The following ZNF678 variants were observed in gnomAD, a reference collection of about 807,000 sequenced individuals.
ZNF678 encodes zinc finger protein 678, also known as hypothetical protein MGC42493.
In ZNF678, 5 loss-of-function variants were observed where a neutral mutation model predicts 3.0. That is an observed-to-expected ratio of 1.69 (90% CI 0.88 to 3.56). The LOEUF is 3.56. Ranked by LOEUF, ZNF678 falls within the 30% of genes most tolerant of loss-of-function variation. The pLI, the probability that ZNF678 is intolerant of heterozygous loss-of-function variation, is 0.00. For missense variants in ZNF678, 593 were observed against 605.0 expected (o/e 0.98, Z 0.21); for synonymous variants, 218 against 199.6 (o/e 1.09, Z -0.78).
chr1:227,589,717 A>G (rs763330623), intron 1 of ZNF678, among the ~76,000 whole-genome samples: 5 of 151,752 alleles, frequency 3.3e-5, no homozygotes, highest in Admixed American at 6.6e-5. Context: ...GATTTTTACA[A>G]TGCTCTTCCA....
At chr1:227,581,601 A>G (rs1657130699) in intron 1 of ZNF678, among the ~76,000 whole-genome samples, 1 of 152,206 alleles carries the variant, frequency 6.6e-6, no homozygotes, top group African/African-American at 2.4e-5. Context: ...TTTCATCCAT[A>G]ATCTAATCTA....
At chr1:227,588,316 A>T (rs1170574026) in intron 1 of ZNF678, among the ~76,000 whole-genome samples, 3 of 152,218 alleles carry the variant, frequency 2.0e-5, no homozygotes, top group Non-Finnish European at 4.4e-5. Context: ...TCTTTATAAA[A>T]GAATGATTTA....
At chr1:227,621,720 GC>G (rs1160413466) in intron 1 of ZNF678, among the ~76,000 whole-genome samples, 4 of 152,276 alleles carry the variant, frequency 2.6e-5, no homozygotes, top group African/African-American at 9.6e-5. Context: ...GCAATTCTAA[GC>G]CCCCCAACTG....
intron 1 of ZNF678, among the ~76,000 whole-genome samples, chr1:227,622,009 T>C (rs898470372): frequency 1.3e-5 from 2 of 152,212 alleles, no homozygotes; most frequent in Non-Finnish European, 2.9e-5. Flanking sequence ...CCCCAAACTA[T>C]ATTTTGTTGT....
chr1:227,588,059 A>G (rs1045859038), intron 1 of ZNF678, among the ~76,000 whole-genome samples: 9 of 151,666 alleles, frequency 5.9e-5, no homozygotes, highest in African/African-American at 1.7e-4. Flanking sequence ...ATTAGCTCCC[A>G]CTTATAAGTG....
At chr1:227,621,102 C>T (rs531352213) in intron 1 of ZNF678, among the ~76,000 whole-genome samples, 1 of 152,202 alleles carries the variant, frequency 6.6e-6, no homozygotes, top group East Asian at 1.9e-4. Flanking sequence ...AAAAGTCAAC[C>T]AGATGTAGTG....
Position 227,646,627 on chromosome 1 carries a change from T to G in ZNF678, c.-80T>G. The G allele has an allele frequency of 7.3e-7, 1 of 1,372,474 alleles. No homozygotes were observed. The highest frequency in any genetic ancestry group is 9.8e-7 in the Non-Finnish European group (1 of 1,024,756). The allele number at this position is 1,372,474 out of a possible 1,614,324, so 85.0% of individuals were successfully genotyped here. ...TGGACCCTGCCCAGCGAAATTTGTA[T>G]AGGGATGTGATGTTCGAGAACTACA... On this transcript the variant is annotated 5_prime_UTR_variant, in exon 2 of 4. It introduces an in-frame stop codon into an upstream open reading frame of the 5' UTR. Transcript: ENST00000343776.
chr1:227,563,633 C>G lies in ZNF678; in HGVS notation c.-255C>G. ...CCCCAGCTGCGGGAGGCCCTGGTGACTCTGCTGCTGCAGTGTCTGGTTTCC... is the reference window on the plus strand; with the variant it reads ...CCCCAGCTGCGGGAGGCCCTGGTGAGTCTGCTGCTGCAGTGTCTGGTTTCC... On this transcript the variant is annotated 5_prime_UTR_variant, in exon 1 of 4. Transcript: ENST00000343776. 7.8e-7 allele frequency: 1 copy of G among 1,285,602 alleles called. No homozygotes were observed. Among genetic ancestry groups the G allele is most frequent in the Non-Finnish European group, 1.0e-6 (1 of 968,986 alleles). 79.6% of individuals were successfully genotyped at this position (1,285,602 alleles called of 1,614,324 possible).
intron 1 of ZNF678, among the ~76,000 whole-genome samples, chr1:227,579,847 G>A (rs1657081596): frequency 6.6e-6 from 1 of 152,186 alleles, no homozygotes; most frequent in Admixed American, 6.5e-5. Context: ...CCCCTGGGCT[G>A]CTAAAGTCTC....
At chr1:227,626,705 G>T (rs1658425707) in intron 1 of ZNF678, among the ~76,000 whole-genome samples, 1 of 152,050 alleles carries the variant, frequency 6.6e-6, no homozygotes, top group Non-Finnish European at 1.5e-5. Context: ...GGGTTTCTTA[G>T]GTTAGCTTTT....
At position 227,592,258 on chromosome 1, in the gene ZNF678, C is replaced by T. The variant is rs1178192758; in HGVS notation, c.-164+28534C>T. Reference sequence around the variant, plus strand: ...CTAGCATTTGTCAGCTAATGATGTCCTTTGGTATTTATTAAAGTCACCACA... The same window carrying T: ...CTAGCATTTGTCAGCTAATGATGTCTTTTGGTATTTATTAAAGTCACCACA... On this transcript the variant is annotated intron_variant, in intron 1 of 3. Transcript: ENST00000343776. Among the ~76,000 whole-genome samples, 4 of 152,192 alleles carry T rather than the reference C, an allele frequency of 2.6e-5. No individual in the cohort carries two copies. The South Asian group carries it at 8.3e-4, about 32-fold the overall frequency.
chr1:227,649,825 C>A (rs1241358244), intron 2 of ZNF678, among the ~76,000 whole-genome samples: 1 of 152,124 alleles, frequency 6.6e-6, no homozygotes, highest in African/African-American at 2.4e-5. Context: ...GGAAAAATAT[C>A]TATTGGGTCT....
intron 1 of ZNF678, among the ~76,000 whole-genome samples, chr1:227,641,226 G>A (rs984970552): frequency 5.3e-5 from 8 of 152,186 alleles, no homozygotes; most frequent in African/African-American, 9.6e-5. Context: ...CTCAGCACCA[G>A]ATGTAAGGTT....
At chr1:227,640,739 A>G (rs1272131775) in intron 1 of ZNF678, among the ~76,000 whole-genome samples, 3 of 152,144 alleles carry the variant, frequency 2.0e-5, no homozygotes, top group Admixed American at 6.5e-5. Context: ...CCTGAGGCCT[A>G]AGGTTTGCAG....
At chr1:227,645,172 A>G (rs1483745485) in intron 1 of ZNF678, among the ~76,000 whole-genome samples, 2 of 152,150 alleles carry the variant, frequency 1.3e-5, no homozygotes, top group Non-Finnish European at 2.9e-5. Flanking sequence ...TCTGCATTTC[A>G]AGGTCCTTCT....
intron 2 of ZNF678, among the ~76,000 whole-genome samples, chr1:227,650,135 T>C (rs1659054682): frequency 6.6e-6 from 1 of 152,194 alleles, no homozygotes; most frequent in Admixed American, 6.5e-5. Flanking sequence ...TCTAAGATTT[T>C]TAAGGATTTC....
At chr1:227,584,226 C>T (rs1336330325) in intron 1 of ZNF678, among the ~76,000 whole-genome samples, 1 of 152,166 alleles carries the variant, frequency 6.6e-6, no homozygotes, top group Non-Finnish European at 1.5e-5. Flanking sequence ...AAGCAGTCAA[C>T]AGCTCACTGT....
At chr1:227,607,411 A>G (rs948742735) in intron 1 of ZNF678, among the ~76,000 whole-genome samples, 6 of 152,192 alleles carry the variant, frequency 3.9e-5, no homozygotes, top group African/African-American at 1.4e-4. Flanking sequence ...TGCACCTAAA[A>G]TAAACTAGAA....
At chr1:227,563,768 C>T (rs990480499) in intron 1 of ZNF678, 44 bp downstream of exon 1, 51 of 1,305,282 alleles carry the variant, frequency 3.9e-5, no homozygotes, top group Non-Finnish European at 5.0e-5. Context: ...GGTCCGGCCT[C>T]CCGGCGTCAG....
Sources: gnomAD v4.1 joint callset for allele counts (sites outside exome capture counted in the v4.1 genomes callset) on GRCh38, gnomAD v4.1.1 for gene constraint, MANE v1.5 for transcripts, NCBI Gene and HGNC (gene_info 2026-07-23, HGNC 2026-07-21) for gene names.